The following RHPN2 variants were observed in gnomAD, a reference collection of about 807,000 sequenced individuals.
RHPN2 encodes the protein rhophilin-2.
A neutral mutation model predicts 79.0 loss-of-function variants in RHPN2; 40 were observed. The ratio of observed to expected loss-of-function variants is 0.51; its 90% CI spans 0.39 to 0.66. RHPN2 has a LOEUF of 0.66. RHPN2 is among the 30% of genes least tolerant of loss of function. The pLI is 0.00. For synonymous variants in RHPN2, 285 were observed against 363.5 expected, an observed-to-expected ratio of 0.78 and a Z score of 2.46; for missense variants, 686 against 883.5, an observed-to-expected ratio of 0.78 and a Z score of 2.83.
At chr19:32,981,433 GAAGGGAAGAGGGGAAA>G (rs1971573718) in intron 14 of RHPN2, among the ~76,000 whole-genome samples, 2 of 99,542 alleles carry the variant, frequency 2.0e-5, no homozygotes, top group Non-Finnish European at 3.9e-5. Flanking sequence ...GGGGCGGGGG[GAAGGGAAGAGGGGAAA>G]GGAAGGGAAG....
chr19:32,983,055 T>TACACACACAC (rs57230466), intron 14 of RHPN2, among the ~76,000 whole-genome samples: 5,463 of 101,786 alleles, frequency 0.054, 256 homozygotes, highest in East Asian at 0.11. Context: ...CCCAGATCTC[T>TACACACACAC]ACACACACAC....
chr19:32,996,898 T>G (rs1971706760), intron 10 of RHPN2, among the ~76,000 whole-genome samples: 1 of 152,096 alleles, frequency 6.6e-6, no homozygotes, highest in South Asian at 2.1e-4. Context: ...TTTTTTCATT[T>G]TATATTTTAT....
intron 1 of RHPN2, among the ~76,000 whole-genome samples, chr19:33,054,677 C>T (rs1191591015): frequency 2.0e-5 from 3 of 152,224 alleles, no homozygotes; most frequent in Non-Finnish European, 4.4e-5. Flanking sequence ...CACCCAGCCT[C>T]TGGCTGAGCG....
chr19:32,984,319 A>C (rs896034373), intron 14 of RHPN2, among the ~76,000 whole-genome samples: 10 of 151,326 alleles, frequency 6.6e-5, no homozygotes, highest in African/African-American at 2.4e-4. Flanking sequence ...TAAAATCCTT[A>C]TCATAAAAAT....
chr19:33,049,596 T>C (rs1217340874), intron 1 of RHPN2, among the ~76,000 whole-genome samples: 1 of 152,192 alleles, frequency 6.6e-6, no homozygotes, highest in Non-Finnish European at 1.5e-5. Flanking sequence ...GTCTATTCCC[T>C]TCCCACACTA....
chr19:32,995,685 C>G (rs1250347205), intron 11 of RHPN2, among the ~76,000 whole-genome samples: 1 of 152,038 alleles, frequency 6.6e-6, no homozygotes, highest in South Asian at 2.1e-4. Flanking sequence ...ATGGTGAAAC[C>G]CCATCTCTAC....
intron 1 of RHPN2, among the ~76,000 whole-genome samples, chr19:33,055,609 G>A (rs967553864): frequency 2.0e-5 from 3 of 151,764 alleles, no homozygotes; most frequent in Admixed American, 2.0e-4. Context: ...CCACACAAGC[G>A]TTCATAAAAG....
chr19:33,007,795 C>T (rs531436948), intron 7 of RHPN2, among the ~76,000 whole-genome samples: 2 of 150,820 alleles, frequency 1.3e-5, no homozygotes, highest in African/African-American at 2.4e-5. Context: ...GATCTCCTGA[C>T]CTTGTGATCC....
Position 32,983,162 on chromosome 19 carries a change from A to AACACAC in RHPN2, c.1801-2912_1801-2907dup, listed in dbSNP as rs56696945. 1.4e-3 allele frequency among the ~76,000 whole-genome samples: 180 copies of AACACAC among 130,956 alleles called. 1 individual carries two copies. Among genetic ancestry groups the AACACAC allele is most frequent in the East Asian group, 3.1e-3 (13 of 4,258 alleles). 85.9% of individuals were successfully genotyped at this position (130,956 alleles called of 152,430 possible). A position where few individuals can be genotyped will look rare whatever the true frequency, so the allele number is the denominator to read the frequency against. On this transcript the variant is annotated intron_variant, in intron 14 of 14. Transcript: ENST00000254260. ...TGGCCCAGATCTCTACACACACACA[A>AACACAC]ACACACACACACACACACACACACA...
At chr19:33,010,605 GA>G (rs1971827902) in intron 6 of RHPN2, among the ~76,000 whole-genome samples, 1 of 151,690 alleles carries the variant, frequency 6.6e-6, no homozygotes, top group East Asian at 1.9e-4. Context: ...GGCTGGTCTC[GA>G]ACTCCTGACC....
At chr19:33,013,128 G>A (rs563555246) in intron 4 of RHPN2, among the ~76,000 whole-genome samples, 39 of 150,250 alleles carry the variant, frequency 2.6e-4, no homozygotes, top group Non-Finnish European at 4.9e-4. Flanking sequence ...CCCCCACCTC[G>A]CCCTCCCAAA....
At chr19:32,999,512 C>G (rs1193891800) in intron 10 of RHPN2, 74 bp downstream of exon 10, 10 of 1,572,546 alleles carry the variant, frequency 6.4e-6, no homozygotes, top group Non-Finnish European at 8.7e-6. Flanking sequence ...TCAGGGACCT[C>G]TCTGTGGCTG....
chr19:32,993,143 A>T (rs1971674501), intron 12 of RHPN2, among the ~76,000 whole-genome samples: 2 of 152,064 alleles, frequency 1.3e-5, no homozygotes, highest in Non-Finnish European at 2.9e-5. Flanking sequence ...ATATTTTTAA[A>T]AAATTTTAAA....
rs957746930 is a variant in RHPN2, at chr19:32,978,813, T to C, written c.*1183A>G. ...TAGATTCACGGTGTCATCGAACTTA[T>C]AGCAAGATAAAAATCAATCAGTAGG... On this transcript the variant is annotated 3_prime_UTR_variant, in exon 15 of 15. Transcript: ENST00000254260. 2.0e-5 allele frequency: 3 copies of C among 152,610 alleles called. No homozygotes were observed. Among genetic ancestry groups the C allele is most frequent in the Admixed American group, 6.6e-5 (1 of 15,250 alleles). The allele number at this position is 152,610 out of a possible 1,614,324, so 9.5% of individuals were successfully genotyped here. A position where few individuals can be genotyped will look rare whatever the true frequency, so the allele number is the denominator to read the frequency against.
At chr19:32,981,890 T>G (rs1971578381) in intron 14 of RHPN2, among the ~76,000 whole-genome samples, 1 of 151,836 alleles carries the variant, frequency 6.6e-6, no homozygotes, top group Non-Finnish European at 1.5e-5. Flanking sequence ...CATTAAACAC[T>G]CTCTACTATT....
intron 1 of RHPN2, among the ~76,000 whole-genome samples, chr19:33,062,063 C>T (rs1363007500): frequency 6.6e-6 from 1 of 152,162 alleles, no homozygotes; most frequent in Non-Finnish European, 1.5e-5. Flanking sequence ...ACTCTTCGAA[C>T]TGGTATGACT....
chr19:33,011,680 A>G lies in RHPN2; in HGVS notation c.592T>C (p.Trp198Arg). 6.2e-7 allele frequency: 1 copy of G among 1,613,960 alleles called. No homozygotes were observed. The highest frequency in any genetic ancestry group is 8.5e-7 in the Non-Finnish European group (1 of 1,179,850). The stretch of plus-strand genomic sequence containing the variant: ...CCAGCGCAGACCTCAAGCACCTACC[A>G]GGTGAACAGGAGTCCCATCTGCCGT... Reference protein sequence around the residue: ...PTRQMGLLFTWYDSLTGVPVS... With the variant: ...PTRQMGLLFTRYDSLTGVPVS... Residue 198 changes from tryptophan (W) to arginine (R), a missense_variant and splice_region_variant, in exon 6 of 15, where the codon TGG becomes CGG. Coordinates refer to ENST00000254260, the MANE Select transcript of RHPN2 (RefSeq NM_033103.5).
At chr19:33,013,400 G>A (rs1971853019) in intron 4 of RHPN2, among the ~76,000 whole-genome samples, 1 of 151,880 alleles carries the variant, frequency 6.6e-6, no homozygotes, top group Non-Finnish European at 1.5e-5. Context: ...TCACCACATT[G>A]CCCAGGCTGG....
At chr19:33,001,134 G>A (rs901427915) in intron 9 of RHPN2, among the ~76,000 whole-genome samples, 5 of 152,162 alleles carry the variant, frequency 3.3e-5, no homozygotes, top group Non-Finnish European at 7.3e-5. Flanking sequence ...CTTGCCCAAG[G>A]TAAAACAGCT....
Sources: allele counts gnomAD v4.1 joint callset (sites outside exome capture counted in the v4.1 genomes callset), GRCh38; gene constraint gnomAD v4.1.1; transcripts MANE v1.5; gene names NCBI Gene and HGNC (gene_info 2026-07-23, HGNC 2026-07-21).